EYS: variants seen among roughly 807,000 people sequenced by gnomAD.
The protein encoded by EYS is protein eyes shut homolog.
EYS carries 250 observed loss-of-function variants against 282.1 expected under a neutral mutation model. The observed-to-expected ratio is 0.89, with a 90% confidence interval of 0.80 to 0.98. EYS has a LOEUF of 0.98. Among genes scored for constraint, EYS ranks in the 50% least tolerant of loss-of-function variants. The probability of loss-of-function intolerance (pLI) is 0.00; values close to 1 mark genes in which losing one functional copy is unlikely to be tolerated. For synonymous variants in EYS, 1,355 were observed against 1,282.9 expected, an observed-to-expected ratio of 1.06 and a Z score of -1.20; for missense variants, 4,016 against 3,709.0, an observed-to-expected ratio of 1.08 and a Z score of -2.15.
At chr6:65,412,189 G>A (rs1213332224) in intron 5 of EYS, among the ~76,000 whole-genome samples, 1 of 152,094 alleles carries the variant, frequency 6.6e-6, no homozygotes, top group Non-Finnish European at 1.5e-5. Flanking sequence ...GATCTTCTGA[G>A]ACCTTGATCT....
rs137964045 is a variant in EYS at position 64,577,500 on chromosome 6, T to TCA, written c.5644+12721_5644+12722dup. 5.3e-5 allele frequency among the ~76,000 whole-genome samples: 8 copies of TCA among 150,684 alleles called. No individual in the cohort carries two copies. In the East Asian group the frequency reaches 7.8e-4, roughly 15 times the overall value. On this transcript the variant is annotated intron_variant, in intron 26 of 42. Coordinates refer to ENST00000503581, the MANE Select transcript of EYS (RefSeq NM_001142800.2). ...AAAAATGCACCCTACACACACACACTCACACACACACACAGACATATGCAT... is the reference window on the plus strand; with the variant it reads ...AAAAATGCACCCTACACACACACACTCACACACACACACACAGACATATGCAT...
chr6:64,757,744 T>TGTGTGTGTG (rs1772996807), intron 22 of EYS, among the ~76,000 whole-genome samples: 224 of 139,908 alleles, frequency 1.6e-3, no homozygotes, highest in Non-Finnish European at 2.7e-3. Context: ...CTTTTTTTCT[T>TGTGTGTGTG]TGTGTGTGTG....
intron 22 of EYS, among the ~76,000 whole-genome samples, chr6:64,655,055 A>C (rs1768698438): frequency 6.6e-6 from 1 of 152,092 alleles, no homozygotes; most frequent in South Asian, 2.1e-4. Context: ...TAAATTAAAA[A>C]CGTGAAAAAA....
At chr6:64,428,308 A>T (rs1774473405) in intron 28 of EYS, among the ~76,000 whole-genome samples, 2 of 152,148 alleles carry the variant, frequency 1.3e-5, no homozygotes, top group African/African-American at 4.8e-5. Context: ...AAAATTATAA[A>T]CTATCCACTT....
chr6:64,550,578 CTT>C (rs1359992744), intron 26 of EYS, among the ~76,000 whole-genome samples: 1 of 152,152 alleles, frequency 6.6e-6, no homozygotes, highest in Non-Finnish European at 1.5e-5. Flanking sequence ...TCTCACCACT[CTT>C]ATTCAACATA....
At chr6:64,763,636 G>A (rs1773231429) in intron 22 of EYS, among the ~76,000 whole-genome samples, 1 of 151,970 alleles carries the variant, frequency 6.6e-6, no homozygotes, top group Admixed American at 6.6e-5. Context: ...ATACAATCAA[G>A]CCATCCCAAC....
At chr6:63,890,745 C>G (rs564064348) in intron 35 of EYS, among the ~76,000 whole-genome samples, 146 of 152,236 alleles carry the variant, frequency 9.6e-4, no homozygotes, top group Non-Finnish European at 1.6e-3. Context: ...TAACTAAGAT[C>G]AGAGCAGAAC....
chr6:64,686,763 G>GTGTATATATATATATA (rs1770126860), intron 22 of EYS, among the ~76,000 whole-genome samples: 1 of 8,598 alleles, frequency 1.2e-4, no homozygotes, highest in African/African-American at 1.8e-4. Context: ...ATATATATAT[G>GTGTATATATATATATA]TGTGTATATA....
rs9345601 is a variant in EYS, at chr6:65,296,077, G to A, written c.1809C>T (p.Val603=). 904,230 of 1,548,970 alleles carry A rather than the reference G, an allele frequency of 0.58. 271,379 individuals are homozygous for A. Among genetic ancestry groups the A allele is most frequent in the East Asian group, 0.91 (37,083 of 40,840 alleles). The change falls in exon 12 of 43, where the codon GTC becomes GTT. Residue 603 remains valine (V), a synonymous_variant. Coordinates refer to ENST00000503581, the MANE Select transcript of EYS (RefSeq NM_001142800.2). ...SLSYIGRLCV[V]NVDYCLGNHS... is the part of the protein sequence containing the mutation. The stretch of plus-strand genomic sequence containing the variant: ...GGTTCCCTAAGCAATAGTCAACATT[G>A]ACAACACACAATCTGCCAATGTAAC...
intron 8 of EYS, among the ~76,000 whole-genome samples, chr6:65,366,645 T>C (rs1164639873): frequency 6.6e-6 from 1 of 151,634 alleles, no homozygotes; most frequent in Non-Finnish European, 1.5e-5. Context: ...TGGATTTGCT[T>C]TCTATTACTA....
chr6:64,394,708 G>T (rs1034512651), intron 28 of EYS, among the ~76,000 whole-genome samples: 2 of 151,896 alleles, frequency 1.3e-5, no homozygotes, highest in African/African-American at 4.8e-5. Context: ...TACCATTCAG[G>T]ACATAGGCAT....
chr6:65,501,023 AAT>A (rs1296355621), intron 2 of EYS, among the ~76,000 whole-genome samples: 1 of 151,982 alleles, frequency 6.6e-6, no homozygotes, highest in Admixed American at 6.6e-5. Flanking sequence ...GATTAAATTT[AAT>A]ATGTCAGTAT....
chr6:64,737,162 T>C (rs952472279), intron 22 of EYS, among the ~76,000 whole-genome samples: 5 of 152,194 alleles, frequency 3.3e-5, no homozygotes, highest in South Asian at 2.1e-4. Context: ...AGAAATCTTA[T>C]AATAATCCAC....
At chr6:65,131,033 T>C (rs1402742580) in intron 12 of EYS, among the ~76,000 whole-genome samples, 2 of 151,502 alleles carry the variant, frequency 1.3e-5, no homozygotes, top group East Asian at 1.9e-4. Flanking sequence ...TATATATACA[T>C]ATAAACTTTA....
At chr6:64,449,879 C>T (rs1164245081) in intron 26 of EYS, among the ~76,000 whole-genome samples, 7 of 152,108 alleles carry the variant, frequency 4.6e-5, no homozygotes, top group African/African-American at 1.7e-4. Flanking sequence ...AAAGGAACAA[C>T]CGGTACCAGC....
intron 10 of EYS, among the ~76,000 whole-genome samples, chr6:65,339,727 A>C (rs999092426): frequency 6.6e-5 from 10 of 151,220 alleles, no homozygotes; most frequent in African/African-American, 2.4e-4. Context: ...GAGTTTGCAA[A>C]GATTTTGCTC....
At chr6:64,150,435 A>G (rs1433997553) in intron 31 of EYS, among the ~76,000 whole-genome samples, 1 of 152,208 alleles carries the variant, frequency 6.6e-6, no homozygotes, top group Non-Finnish European at 1.5e-5. Context: ...ATAAGAAACA[A>G]TTGGACTAGA....
chr6:65,272,167 T>C (rs1767923352), intron 12 of EYS, among the ~76,000 whole-genome samples: 2 of 152,358 alleles, frequency 1.3e-5, no homozygotes, highest in Admixed American at 1.3e-4. Context: ...AAAAGTATCA[T>C]ATACTCAGTC....
chr6:65,061,966 G>T (rs1165876685), intron 12 of EYS, among the ~76,000 whole-genome samples: 1 of 151,678 alleles, frequency 6.6e-6, no homozygotes, highest in African/African-American at 2.4e-5. Context: ...TCCTGAATTT[G>T]CTTCCTGTTT....
Sources: gnomAD v4.1 joint callset for allele counts (sites outside exome capture counted in the v4.1 genomes callset) on GRCh38, gnomAD v4.1.1 for gene constraint, MANE v1.5 for transcripts, NCBI Gene and HGNC (gene_info 2026-07-23, HGNC 2026-07-21) for gene names.